The following LIN54 variants were observed in gnomAD, a reference collection of about 807,000 sequenced individuals.
The protein encoded by LIN54 is lin-54 DREAM MuvB core complex component.
Under a neutral mutation model 78.7 loss-of-function variants are expected in LIN54, and 9 were observed. That is an observed-to-expected ratio of 0.11 (90% CI 0.07 to 0.20). LIN54 has a LOEUF of 0.20. LIN54 is among the 10% of genes least tolerant of loss of function. LIN54 has a pLI of 1.00. For missense variants in LIN54, 573 were observed against 889.9 expected (o/e 0.64, Z 4.53); for synonymous variants, 269 against 318.4 (o/e 0.84, Z 1.65).
chr4:82,946,136 C>T, intron 5 of LIN54, 122 bp downstream of exon 5: 1 of 779,376 alleles, frequency 1.3e-6, no homozygotes, highest in Admixed American at 2.0e-5. Flanking sequence ...CCTTCTGCAC[C>T]AGTTACTGGC....
chr4:82,935,184 G>C (rs1722297177), intron 11 of LIN54, among the ~76,000 whole-genome samples: 2 of 151,252 alleles, frequency 1.3e-5, no homozygotes. Flanking sequence ...TCTTTGAGTG[G>C]GCATAACCAG....
At chr4:82,942,467 C>T (rs1433463641) in intron 5 of LIN54, among the ~76,000 whole-genome samples, 1 of 152,040 alleles carries the variant, frequency 6.6e-6, no homozygotes, top group East Asian at 1.9e-4. Flanking sequence ...TATGAAATAC[C>T]AGAGCAGTGT....
chr4:82,935,973 C>T lies in LIN54; in HGVS notation c.1845+8G>A. 1 of 1,613,538 alleles carries T rather than the reference C, an allele frequency of 6.2e-7. No individual in the cohort carries two copies. Among genetic ancestry groups the T allele is most frequent in the African/African-American group, 1.3e-5 (1 of 75,044 alleles). On this transcript the variant is annotated splice_region_variant and intron_variant, in intron 11 of 12. Transcript: ENST00000340417. Reference sequence around the variant, plus strand: ...AAAAGATATTATTTTCCGCACCCAGCATCTCACCTCATAGCATTCACAGTA... The same window carrying T: ...AAAAGATATTATTTTCCGCACCCAGTATCTCACCTCATAGCATTCACAGTA...
rs57298736 is a variant in LIN54, at chr4:82,947,394, TTGTGTGTGTGTGTGTGTGTGTGTGTGTG to T, written c.952-948_952-921del. ...ACCACAGGTACCACGCCCAGTTAAT[TTGTGTGTGTGTGTGTGTGTGTGTGTGTG>T]TGTGTGTGTGTGTGTGTTAGACACA... On this transcript the variant is annotated intron_variant, in intron 4 of 12. Coordinates refer to ENST00000340417, the MANE Select transcript of LIN54 (RefSeq NM_194282.4). Among the ~76,000 whole-genome samples, 4 of 124,658 alleles carry T rather than the reference TTGTGTGTGTGTGTGTGTGTGTGTGTGTG, an allele frequency of 3.2e-5. No homozygotes were observed. The East Asian group carries it at 7.1e-4, about 22-fold the overall frequency. 81.8% of individuals were successfully genotyped at this position (124,658 alleles called of 152,430 possible).
At chr4:82,964,225 A>AT (rs1725030372) in intron 4 of LIN54, among the ~76,000 whole-genome samples, 1 of 152,034 alleles carries the variant, frequency 6.6e-6, no homozygotes, top group Non-Finnish European at 1.5e-5. Flanking sequence ...TAATTTTTGT[A>AT]TTTTTAGTAG....
chr4:82,930,918 T>TA (rs1560713428), intron 12 of LIN54, 25 bp downstream of exon 12: 1 of 1,605,110 alleles, frequency 6.2e-7, no homozygotes, highest in Admixed American at 1.7e-5. Context: ...GGAAGTACTA[T>TA]AAAAAGATTA....
chr4:82,956,653 G>A (rs1438354273), intron 4 of LIN54, among the ~76,000 whole-genome samples: 2 of 151,950 alleles, frequency 1.3e-5, no homozygotes, highest in Non-Finnish European at 2.9e-5. Context: ...GGACCCCACA[G>A]GTATTCAATC....
At chr4:82,963,334 AAACATTTTAAAAAGTTCTTT>A (rs1724954187) in intron 4 of LIN54, among the ~76,000 whole-genome samples, 1 of 152,184 alleles carries the variant, frequency 6.6e-6, no homozygotes, top group African/African-American at 2.4e-5. Flanking sequence ...TCATTAAAAG[AAACATTTTAAAAAGTTCTTT>A]AGAGATGAAT....
chr4:82,977,938 A>C (rs1005837182), intron 3 of LIN54, among the ~76,000 whole-genome samples: 3 of 152,218 alleles, frequency 2.0e-5, no homozygotes, highest in Non-Finnish European at 2.9e-5. Context: ...GGAGGGTTGG[A>C]CTTAGCCAAG....
At position 82,939,653 on chromosome 4, in the gene LIN54, T is replaced by A; in HGVS notation, c.1326A>T (p.Pro442=). The A allele has an allele frequency of 6.2e-7, 1 of 1,614,040 alleles. No individual in the cohort carries two copies. The highest frequency in any genetic ancestry group is 1.1e-5 in the South Asian group (1 of 91,080). The change falls in exon 7 of 13, where the codon CCA becomes CCT. Residue 442 remains proline, a synonymous_variant. Coordinates refer to ENST00000340417, the MANE Select transcript of LIN54 (RefSeq NM_194282.4). ...PQQRLIMPAT[P]LPQIQPNLTN... ...TGAGGTTGGGCTGGATCTGTGGCAG[T>A]GGTGTGGCAGGCATGATAAGCCGTT...
At chr4:82,941,177 G>C (rs967927977) in intron 5 of LIN54, among the ~76,000 whole-genome samples, 7 of 81,036 alleles carry the variant, frequency 8.6e-5, no homozygotes, top group Admixed American at 3.1e-4. Flanking sequence ...TATATATATC[G>C]TTGGCAGAGG....
At chr4:83,011,732 CAA>C (rs916604404), upstream of LIN54, among the ~76,000 whole-genome samples, 3 of 149,408 alleles carry the variant, frequency 2.0e-5, no homozygotes, top group African/African-American at 7.4e-5. Context: ...AATAAGTAAC[CAA>C]AAGAGAACAG....
intron 1 of LIN54, among the ~76,000 whole-genome samples, chr4:82,990,022 G>A (rs1182059008): frequency 1.3e-5 from 2 of 152,172 alleles, no homozygotes; most frequent in East Asian, 1.9e-4. Flanking sequence ...TCATTAACAG[G>A]TAGAACAGTG....
Position 82,927,970 on chromosome 4 carries a change from G to C in LIN54, c.*132C>G. 4.2e-6 allele frequency: 3 copies of C among 711,282 alleles called. No homozygotes were observed. The highest frequency in any genetic ancestry group is 7.2e-6 in the Non-Finnish European group (3 of 417,358). 44.1% of individuals were successfully genotyped at this position (711,282 alleles called of 1,614,324 possible). ...CTCATTTAAAATTTCTTCTCCTTCAGTATTATAATTTCAGGTCTTTTAAAA... is the reference window on the plus strand; with the variant it reads ...CTCATTTAAAATTTCTTCTCCTTCACTATTATAATTTCAGGTCTTTTAAAA... On this transcript the variant is annotated 3_prime_UTR_variant, in exon 13 of 13. Coordinates refer to ENST00000340417, the MANE Select transcript of LIN54 (RefSeq NM_194282.4).
At chr4:82,934,406 A>G (rs767000870) in intron 11 of LIN54, among the ~76,000 whole-genome samples, 2 of 152,172 alleles carry the variant, frequency 1.3e-5, no homozygotes, top group Non-Finnish European at 1.5e-5. Context: ...ACTCCGTCTC[A>G]AAAACAAAAT....
chr4:82,970,808 G>A (rs1439159582), intron 3 of LIN54, among the ~76,000 whole-genome samples: 1 of 152,166 alleles, frequency 6.6e-6, no homozygotes, highest in African/African-American at 2.4e-5. Context: ...ATGAACCCAA[G>A]TCTTAAAACT....
intron 3 of LIN54, among the ~76,000 whole-genome samples, chr4:82,974,374 AT>A (rs1297395816): frequency 6.6e-6 from 1 of 152,140 alleles, no homozygotes; most frequent in Non-Finnish European, 1.5e-5. Flanking sequence ...TAAAAAGAAA[AT>A]TCTGATATAT....
chr4:82,925,818 TA>T lies in LIN54; in HGVS notation c.*2283del, dbSNP rs1193282949. The T allele has an allele frequency of 6.6e-6, 1 of 152,654 alleles. No individual in the cohort carries two copies. The highest frequency in any genetic ancestry group is 1.5e-5 in the Non-Finnish European group (1 of 68,028). The allele number at this position is 152,654 out of a possible 1,614,324, so 9.5% of individuals were successfully genotyped here. ...ATTCTTTGAATAGCTCTAGTAAATATAAATTTAATCTTTCTACTTTGGGATG... is the reference window on the plus strand; with the variant it reads ...ATTCTTTGAATAGCTCTAGTAAATATAATTTAATCTTTCTACTTTGGGATG... On this transcript the variant is annotated 3_prime_UTR_variant, in exon 13 of 13. Coordinates refer to ENST00000340417, the MANE Select transcript of LIN54 (RefSeq NM_194282.4).
intron 9 of LIN54, among the ~76,000 whole-genome samples, chr4:82,936,646 CATATAAATT>C (rs1349661413): frequency 6.6e-6 from 1 of 151,018 alleles, no homozygotes; most frequent in Non-Finnish European, 1.5e-5. Flanking sequence ...AGCTGTCACA[CATATAAATT>C]ATATAAATTA....
Sources: allele counts gnomAD v4.1 joint callset (sites outside exome capture counted in the v4.1 genomes callset), GRCh38; gene constraint gnomAD v4.1.1; transcripts MANE v1.5; gene names NCBI Gene and HGNC (gene_info 2026-07-23, HGNC 2026-07-21).